NLRC5: variants seen among roughly 807,000 people sequenced by gnomAD.
NLRC5 encodes the protein NLR family CARD domain containing 5.
In NLRC5, 114 loss-of-function variants were observed where a neutral mutation model predicts 206.9. The observed-to-expected ratio is 0.55, with a 90% confidence interval of 0.47 to 0.64. The LOEUF (loss-of-function observed/expected upper bound fraction) is 0.64. NLRC5 is among the 30% of genes least tolerant of loss of function. The pLI is 0.00. For synonymous variants in NLRC5, 952 were observed against 962.8 expected (o/e 0.99, Z 0.21); for missense variants, 2,008 against 2,305.5 (o/e 0.87, Z 2.64).
Position 57,067,463 on chromosome 16 carries a change from C to G in NLRC5, c.4399C>G (p.Gln1467Glu). ...QLMETCARLQ[Q>E]LSLSQVNLCE... ...GATGGAGACATGTGCCAGGCTGCAGCAGCTCAGGTCAGCGCCTGGAAACTC... is the reference window on the plus strand; with the variant it reads ...GATGGAGACATGTGCCAGGCTGCAGGAGCTCAGGTCAGCGCCTGGAAACTC... The change falls in exon 35 of 49, where the codon CAG (glutamine) becomes GAG (glutamate). Residue 1467 changes from glutamine to glutamate, a missense_variant. By Grantham distance (29) the Gln-to-Glu change is conservative. Transcript: ENST00000688547. 6.2e-7 allele frequency: 1 copy of G among 1,614,174 alleles called. No individual in the cohort carries two copies. Among genetic ancestry groups the G allele is most frequent in the Middle Eastern group, 1.7e-4 (1 of 6,060 alleles).
Position 57,025,474 on chromosome 16 carries a change from C to A in NLRC5, c.531C>A (p.Val177=). Residue 177 remains valine, a synonymous_variant, in exon 6 of 49, where the codon GTC becomes GTA. Transcript: ENST00000688547. The stretch of plus-strand genomic sequence containing the variant: ...CCCACGCCTTCCACCAGGTCTATGT[C>A]CCTCCAATCCTGCGCCGGGCCACAG... The part of the protein sequence containing the change: ...GQPHAFHQVY[V]PPILRRATAS... The A allele has an allele frequency of 6.2e-7, 1 of 1,612,762 alleles. No individual in the cohort carries two copies.
At chr16:57,050,326 G>A (rs1331146448) in intron 23 of NLRC5, among the ~76,000 whole-genome samples, 1 of 152,210 alleles carries the variant, frequency 6.6e-6, no homozygotes, top group Non-Finnish European at 1.5e-5. Context: ...GCTCCAACAT[G>A]AGGCTGCTCC....
At chr16:57,047,430 G>A in intron 22 of NLRC5, 115 bp from the exon 23 acceptor site, 1 of 865,850 alleles carries the variant, frequency 1.2e-6, no homozygotes, top group Non-Finnish European at 1.9e-6. Flanking sequence ...AGGGGAAGGG[G>A]CCTGTGGCCT....
chr16:56,993,517 CA>C (rs1393976433), intron 1 of NLRC5, among the ~76,000 whole-genome samples: 2 of 152,140 alleles, frequency 1.3e-5, no homozygotes, highest in African/African-American at 4.8e-5. Flanking sequence ...GGGGAATATG[CA>C]GTTTGAACTT....
chr16:57,026,591 C>T lies in NLRC5; in HGVS notation c.1648C>T (p.Arg550Trp), dbSNP rs768062905. ...YVTLHSRWVQ[R>W]TKARLGLSDH... ...TACCCTCCATTCCCGCTGGGTACAG[C>T]GGACCAAAGCTAGACTGGGCCTCTC... The change falls in exon 6 of 49, where the codon CGG becomes TGG. Residue 550 changes from arginine (R) to tryptophan (W), a missense_variant. Arg to Trp is a moderately radical substitution (Grantham distance 101). Transcript: ENST00000688547. 9 of 1,614,088 alleles carry T rather than the reference C, an allele frequency of 5.6e-6. No homozygotes were observed. In the Admixed American group the frequency reaches 6.7e-5, roughly 12 times the overall value.
chr16:57,001,251 T>A (rs2142300836), intron 1 of NLRC5, among the ~76,000 whole-genome samples: 1 of 152,338 alleles, frequency 6.6e-6, no homozygotes, highest in East Asian at 1.9e-4. Context: ...GCACTTTCTG[T>A]TTCTTTGAGG....
intron 11 of NLRC5, among the ~76,000 whole-genome samples, chr16:57,032,111 T>C (rs2061948415): frequency 6.6e-6 from 1 of 152,088 alleles, no homozygotes; most frequent in Non-Finnish European, 1.5e-5. Flanking sequence ...AATGACCTGG[T>C]AGTGTAGGAC....
At chr16:56,998,216 T>TA (rs1360191835) in intron 1 of NLRC5, among the ~76,000 whole-genome samples, 2 of 151,184 alleles carry the variant, frequency 1.3e-5, no homozygotes, top group Admixed American at 6.6e-5. Context: ...TTTTTTACTT[T>TA]AAAAAAATGT....
In NLRC5 at chr16:57,082,855, A is replaced by G. The variant is rs531360715; in HGVS notation, c.*327A>G. ...GTGACCCCTTGACATGTGGCGTTAC[A>G]TGAAAGTCAGTGTGGCACGTGTTCT... On this transcript the variant is annotated 3_prime_UTR_variant, in exon 49 of 49. Coordinates refer to ENST00000688547, the MANE Select transcript of NLRC5 (RefSeq NM_001384950.1). 1.1e-4 allele frequency: 25 copies of G among 232,292 alleles called. No individual in the cohort carries two copies. The highest frequency in any genetic ancestry group is 1.9e-4 in the Non-Finnish European group (23 of 118,798). 14.4% of individuals were successfully genotyped at this position (232,292 alleles called of 1,614,324 possible). A position where few individuals can be genotyped will look rare whatever the true frequency, so the allele number is the denominator to read the frequency against.
chr16:57,016,324 A>C (rs1422248816), intron 1 of NLRC5, among the ~76,000 whole-genome samples: 2 of 152,232 alleles, frequency 1.3e-5, no homozygotes, highest in East Asian at 3.8e-4. Flanking sequence ...ACCATACTAC[A>C]TACCACCTCC....
In NLRC5 at chr16:57,046,555, T is replaced by C; in HGVS notation, c.3252T>C (p.Asp1084=). The stretch of plus-strand genomic sequence containing the variant: ...TTCTAAATGATCCCCCTCCTAGGGA[T>C]ATGTGGGCCACTGGATCTTTGCCAG... ...ILLRGDKTSR[D]MWATGSLPDF... is the part of the protein sequence containing the mutation. The change falls in exon 22 of 49, where the codon GAT becomes GAC. Residue 1084 remains aspartate (D), a synonymous_variant. Transcript: ENST00000688547. The C allele has an allele frequency of 6.2e-7, 1 of 1,613,608 alleles. No individual in the cohort carries two copies. The highest frequency in any genetic ancestry group is 8.5e-7 in the Non-Finnish European group (1 of 1,179,648).
chr16:57,017,646 C>T (rs2060228111), intron 2 of NLRC5, among the ~76,000 whole-genome samples: 1 of 152,168 alleles, frequency 6.6e-6, no homozygotes, highest in South Asian at 2.1e-4. Context: ...CCATGATTTG[C>T]AATATTTCTG....
intron 48 of NLRC5, among the ~76,000 whole-genome samples, chr16:57,081,916 C>T (rs539217540): frequency 6.6e-6 from 1 of 152,358 alleles, no homozygotes; most frequent in South Asian, 2.1e-4. Flanking sequence ...ATATAAAGCA[C>T]TGAACCCAAT....
At chr16:57,059,602 T>C in intron 30 of NLRC5, 70 bp downstream of exon 30, 1 of 1,407,256 alleles carries the variant, frequency 7.1e-7, no homozygotes, top group Non-Finnish European at 9.6e-7. Context: ...GCGGCCTCCA[T>C]GGCCCCCTCT....
intron 1 of NLRC5, among the ~76,000 whole-genome samples, chr16:57,003,539 C>A (rs1295370260): frequency 6.6e-6 from 1 of 152,102 alleles, no homozygotes; most frequent in Non-Finnish European, 1.5e-5. Context: ...TCCGGGGTCG[C>A]CTTTGCCTGG....
Position 57,015,925 on chromosome 16 carries a change from CAA to C in NLRC5, c.-127-1127_-127-1126del, listed in dbSNP as rs35216159. Among the ~76,000 whole-genome samples the C allele has an allele frequency of 1.0e-3, 40 of 39,640 alleles. 1 individual carries two copies. Among genetic ancestry groups the C allele is most frequent in the African/African-American group, 4.1e-3 (36 of 8,716 alleles). 26.0% of individuals were successfully genotyped at this position (39,640 alleles called of 152,430 possible). ...GGGCAACAAGAATGAAACTCCATCTCAAAAAAAAAAAAAAAAAAAAAAAGAAA... is the reference window on the plus strand; with the variant it reads ...GGGCAACAAGAATGAAACTCCATCTCAAAAAAAAAAAAAAAAAAAAAGAAA... On this transcript the variant is annotated intron_variant, in intron 1 of 48. Coordinates refer to ENST00000688547, the MANE Select transcript of NLRC5 (RefSeq NM_001384950.1).
In NLRC5 at chr16:57,020,706, G is replaced by A; in HGVS notation, c.-7G>A. ...TATCTTCCCTGTCCCTCCAGGGCTG[G>A]CTCCTCATGGACCCCGTTGGCCTCC... On this transcript the variant is annotated 5_prime_UTR_variant, in exon 3 of 49. Coordinates refer to ENST00000688547, the MANE Select transcript of NLRC5 (RefSeq NM_001384950.1). 4.4e-6 allele frequency: 7 copies of A among 1,606,240 alleles called. No homozygotes were observed. The highest frequency in any genetic ancestry group is 1.7e-4 in the Middle Eastern group (1 of 5,978).
At chr16:57,042,801 G>A (rs1449033588) in intron 19 of NLRC5, among the ~76,000 whole-genome samples, 1 of 152,150 alleles carries the variant, frequency 6.6e-6, no homozygotes, top group African/African-American at 2.4e-5. Context: ...TGGTGGCTAC[G>A]ATCTCTGAAA....
chr16:57,013,563 G>A (rs1284969155), intron 1 of NLRC5: 25 of 1,082,340 alleles, frequency 2.3e-5, no homozygotes, highest in African/African-American at 3.1e-5. Flanking sequence ...AGATGCTGCA[G>A]AATTTTAAGT....
Sources: gnomAD v4.1 joint callset for allele counts (sites outside exome capture counted in the v4.1 genomes callset) on GRCh38, gnomAD v4.1.1 for gene constraint, MANE v1.5 for transcripts, NCBI Gene and HGNC (gene_info 2026-07-23, HGNC 2026-07-21) for gene names.